GALNTL6: variants seen among roughly 807,000 people sequenced by gnomAD.
The protein encoded by GALNTL6 is polypeptide N-acetylgalactosaminyltransferase-like 6.
Under a neutral mutation model 73.7 loss-of-function variants are expected in GALNTL6, and 46 were observed. The ratio of observed to expected loss-of-function variants is 0.62; its 90% confidence interval spans 0.49 to 0.80. The LOEUF (loss-of-function observed/expected upper bound fraction) is 0.80. Ranked by LOEUF, GALNTL6 falls within the 30% of genes least tolerant of loss-of-function variation. The probability of loss-of-function intolerance (pLI) is 0.00; values close to 1 mark genes in which losing one functional copy is unlikely to be tolerated. For synonymous variants in GALNTL6, 259 were observed against 263.7 expected, an observed-to-expected ratio of 0.98 and a Z score of 0.17; for missense variants, 604 against 755.0, an observed-to-expected ratio of 0.80 and a Z score of 2.34.
At chr4:172,305,767 T>C (rs1454877420) in intron 3 of GALNTL6, among the ~76,000 whole-genome samples, 1 of 152,182 alleles carries the variant, frequency 6.6e-6, no homozygotes, top group Non-Finnish European at 1.5e-5. Flanking sequence ...TTAAATCCTA[T>C]TCTCACAACT....
intron 2 of GALNTL6, among the ~76,000 whole-genome samples, chr4:172,013,976 T>G (rs1420012395): frequency 6.6e-6 from 1 of 151,952 alleles, no homozygotes; most frequent in African/African-American, 2.4e-5. Flanking sequence ...GTAAAGTTTG[T>G]CTTTCTGTGC....
intron 3 of GALNTL6, among the ~76,000 whole-genome samples, chr4:172,301,728 A>G (rs1578930340): frequency 6.6e-6 from 1 of 152,216 alleles, no homozygotes; most frequent in Admixed American, 6.5e-5. Context: ...TGCCTCTTGA[A>G]GTTTTGTCTC....
intron 2 of GALNTL6, among the ~76,000 whole-genome samples, chr4:172,208,417 A>G (rs1736214266): frequency 6.6e-6 from 1 of 152,178 alleles, no homozygotes; most frequent in Admixed American, 6.5e-5. Context: ...ATAAAAGAAA[A>G]TCGTTTAACT....
chr4:172,986,662 AGATGGGCTATGCTCCTATAAGT>A (rs1161975157), intron 10 of GALNTL6, among the ~76,000 whole-genome samples: 2 of 152,368 alleles, frequency 1.3e-5, no homozygotes, highest in South Asian at 2.1e-4. Context: ...GTGGCATTGC[AGATGGGCTATGCTCCTATAAGT>A]GATGAAGGTA....
At chr4:172,993,771 G>C (rs1751646710) in intron 10 of GALNTL6, among the ~76,000 whole-genome samples, 1 of 152,090 alleles carries the variant, frequency 6.6e-6, no homozygotes, top group East Asian at 1.9e-4. Context: ...ATAAATCTTG[G>C]CTTTTCCGGG....
At chr4:172,970,735 G>T (rs1750541723) in intron 10 of GALNTL6, among the ~76,000 whole-genome samples, 1 of 151,982 alleles carries the variant, frequency 6.6e-6, no homozygotes, top group Non-Finnish European at 1.5e-5. Context: ...TACATTCTCA[G>T]CTTACAAAGA....
intron 3 of GALNTL6, among the ~76,000 whole-genome samples, chr4:172,255,775 T>G (rs1165426871): frequency 6.6e-6 from 1 of 151,362 alleles, no homozygotes; most frequent in African/African-American, 2.4e-5. Context: ...AGATGTTCTC[T>G]AATAACTATA....
chr4:172,553,269 T>C (rs534187002), intron 5 of GALNTL6, among the ~76,000 whole-genome samples: 1 of 152,318 alleles, frequency 6.6e-6, no homozygotes, highest in Admixed American at 6.5e-5. Context: ...GTTTAGCTTC[T>C]TCAAATTGAC....
chr4:172,929,821 A>T (rs185700499), intron 8 of GALNTL6, among the ~76,000 whole-genome samples: 51 of 152,330 alleles, frequency 3.3e-4, no homozygotes, highest in African/African-American at 1.2e-3. Context: ...TACAATAAAA[A>T]TAGCTAAGAC....
At chr4:172,010,577 T>C (rs1740976388) in intron 2 of GALNTL6, among the ~76,000 whole-genome samples, 1 of 115,578 alleles carries the variant, frequency 8.7e-6, no homozygotes. Context: ...GTAGAATGCA[T>C]TTGCTATTAT....
chr4:172,973,980 C>T (rs1167048501), intron 10 of GALNTL6, among the ~76,000 whole-genome samples: 1 of 152,116 alleles, frequency 6.6e-6, no homozygotes, highest in Non-Finnish European at 1.5e-5. Flanking sequence ...TAAAAATGTT[C>T]ATAATAAATG....
In GALNTL6 at chr4:172,048,029, G is replaced by A. The variant is rs1225462823; in HGVS notation, c.139-181627G>A. On this transcript the variant is annotated intron_variant, in intron 2 of 12. Transcript: ENST00000506823. ...TTACTAATAACATCGCAAACTCTTT[G>A]TGTAAACTCCACAAAGACAGGAACC... is the stretch of plus-strand genomic sequence containing the variant. Among the ~76,000 whole-genome samples the A allele has an allele frequency of 2.0e-5, 3 of 152,000 alleles. No individual in the cohort carries two copies. In the South Asian group the frequency reaches 6.2e-4, roughly 32 times the overall value.
chr4:172,885,117 G>T (rs1448687999), intron 8 of GALNTL6, among the ~76,000 whole-genome samples: 4 of 152,008 alleles, frequency 2.6e-5, no homozygotes, highest in Non-Finnish European at 4.4e-5. Flanking sequence ...GCCTTTTCTT[G>T]TTCCCTACAA....
Position 172,582,491 on chromosome 4 carries a change from C to T in GALNTL6, c.554-226870C>T, listed in dbSNP as rs920617632. Among the ~76,000 whole-genome samples the T allele has an allele frequency of 9.9e-5, 15 of 152,178 alleles. No individual in the cohort carries two copies. The South Asian group carries it at 1.7e-3, about 17-fold the overall frequency. ...GTTCCACATGGATGGATTCAACCAA[C>T]GATGTCAAATTTACTGATGGGGAAC... On this transcript the variant is annotated intron_variant, in intron 5 of 12. Coordinates refer to ENST00000506823, the MANE Select transcript of GALNTL6 (RefSeq NM_001034845.3).
At chr4:172,439,539 A>G (rs914591020) in intron 5 of GALNTL6, among the ~76,000 whole-genome samples, 2 of 151,334 alleles carry the variant, frequency 1.3e-5, no homozygotes, top group African/African-American at 4.9e-5. Flanking sequence ...TCAGTTGTTG[A>G]TCATCTTCTC....
chr4:172,048,268 G>C (rs1020913768), intron 2 of GALNTL6, among the ~76,000 whole-genome samples: 1 of 151,988 alleles, frequency 6.6e-6, no homozygotes, highest in African/African-American at 2.4e-5. Flanking sequence ...CAGTGCAAAA[G>C]AAGCACAGAA....
intron 2 of GALNTL6, among the ~76,000 whole-genome samples, chr4:172,201,628 T>G (rs1735959630): frequency 6.6e-6 from 1 of 152,162 alleles, no homozygotes; most frequent in African/African-American, 2.4e-5. Context: ...ATTTTAAGAT[T>G]TGTTAAAATA....
At chr4:172,454,975 C>G (rs779680260) in intron 5 of GALNTL6, among the ~76,000 whole-genome samples, 3 of 152,144 alleles carry the variant, frequency 2.0e-5, no homozygotes, top group Non-Finnish European at 4.4e-5. Context: ...AAGATCAATG[C>G]AGAAGGCAGG....
At chr4:172,638,382 A>G (rs1477018957) in intron 5 of GALNTL6, among the ~76,000 whole-genome samples, 1 of 152,118 alleles carries the variant, frequency 6.6e-6, no homozygotes, top group Non-Finnish European at 1.5e-5. Flanking sequence ...CTCCCAGGAA[A>G]TAAGCTCCTG....
Sources: allele counts gnomAD v4.1 joint callset (sites outside exome capture counted in the v4.1 genomes callset), GRCh38; gene constraint gnomAD v4.1.1; transcripts MANE v1.5; gene names NCBI Gene and HGNC (gene_info 2026-07-23, HGNC 2026-07-21).